Variants in PTPRT observed in about 807,000 individuals in gnomAD.
PTPRT encodes the protein protein tyrosine phosphatase receptor type T.
Under a neutral mutation model 176.8 loss-of-function variants are expected in PTPRT, and 56 were observed. The observed-to-expected ratio is 0.32, with a 90% confidence interval of 0.26 to 0.40. PTPRT has a LOEUF of 0.40. PTPRT is among the 10% of genes least tolerant of loss of function. The probability of loss-of-function intolerance (pLI) is 1.00; values close to 1 mark genes in which losing one functional copy is unlikely to be tolerated. For synonymous variants in PTPRT, 783 were observed against 739.0 expected, an observed-to-expected ratio of 1.06 and a Z score of -0.96; for missense variants, 1,540 against 1,908.2, an observed-to-expected ratio of 0.81 and a Z score of 3.60.
chr20:42,350,591 G>GA, intron 11 of PTPRT, 37 bp downstream of exon 11: 1 of 1,513,594 alleles, frequency 6.6e-7, no homozygotes, highest in Non-Finnish European at 9.2e-7. Context: ...GCACAGAGAA[G>GA]AAAAACTGCA....
chr20:42,371,763 A>C (rs528039209), intron 9 of PTPRT, among the ~76,000 whole-genome samples: 1 of 152,272 alleles, frequency 6.6e-6, no homozygotes, highest in African/African-American at 2.4e-5. Flanking sequence ...AAGAACCTCA[A>C]CTACACTGGC....
chr20:42,449,750 C>T (rs915046630), intron 8 of PTPRT, among the ~76,000 whole-genome samples: 1 of 152,130 alleles, frequency 6.6e-6, no homozygotes. Context: ...CCATATGTTG[C>T]AATCAGTTCC....
At chr20:42,383,843 C>G (rs1163274378) in intron 9 of PTPRT, among the ~76,000 whole-genome samples, 1 of 152,124 alleles carries the variant, frequency 6.6e-6, no homozygotes, top group East Asian at 1.9e-4. Context: ...GTGACGCAGA[C>G]TTTATGCCCC....
chr20:42,511,572 T>C (rs181003844), intron 7 of PTPRT, among the ~76,000 whole-genome samples: 1 of 152,054 alleles, frequency 6.6e-6, no homozygotes, highest in East Asian at 1.9e-4. Context: ...TTTCAGTCAA[T>C]AATTTGAATC....
At chr20:42,838,700 T>G (rs1317155956) in intron 2 of PTPRT, among the ~76,000 whole-genome samples, 1 of 152,232 alleles carries the variant, frequency 6.6e-6, no homozygotes, top group Non-Finnish European at 1.5e-5. Flanking sequence ...AAACCTGATA[T>G]GGGTGCCCAC....
intron 14 of PTPRT, among the ~76,000 whole-genome samples, chr20:42,240,382 G>A (rs147148633): frequency 1.6e-4 from 24 of 152,308 alleles, no homozygotes; most frequent in Non-Finnish European, 1.2e-4. Flanking sequence ...CAAGGATACA[G>A]TGATATTGCA....
chr20:43,146,936 G>A (rs1258365394), intron 1 of PTPRT, among the ~76,000 whole-genome samples: 7 of 152,110 alleles, frequency 4.6e-5, no homozygotes. Context: ...GAGCATCTCT[G>A]GCCAGCAGCC....
intron 17 of PTPRT, among the ~76,000 whole-genome samples, chr20:42,152,247 C>T (rs1203550678): frequency 2.6e-5 from 4 of 152,252 alleles, no homozygotes. Flanking sequence ...AAGCTTTCAA[C>T]AAATTCCATC....
chr20:42,064,587 G>A, the PTPRT span, among the ~76,000 whole-genome samples: 2 of 152,050 alleles, frequency 1.3e-5, no homozygotes, highest in East Asian at 1.9e-4. Flanking sequence ...TATTCTACAA[G>A]TATGAATAGA....
At chr20:42,122,138 C>A (rs1369762347) in intron 19 of PTPRT, among the ~76,000 whole-genome samples, 1 of 152,244 alleles carries the variant, frequency 6.6e-6, no homozygotes, top group South Asian at 2.1e-4. Context: ...CATACAGTAA[C>A]AAAACTGCAC....
At chr20:42,663,219 TAG>T (rs998253935) in intron 7 of PTPRT, among the ~76,000 whole-genome samples, 23 of 152,144 alleles carry the variant, frequency 1.5e-4, no homozygotes, top group African/African-American at 5.1e-4. Context: ...GGCCTGGAAA[TAG>T]AGTCTAGAGA....
intron 8 of PTPRT, 129 bp from the exon 9 acceptor site, chr20:42,448,458 C>A: frequency 1.5e-6 from 1 of 675,886 alleles, no homozygotes; most frequent in Non-Finnish European, 2.7e-6. Flanking sequence ...GTCTGATGGG[C>A]TGTACGTTCT....
chr20:42,217,441 C>G (rs1438446030), intron 15 of PTPRT, among the ~76,000 whole-genome samples: 1 of 150,266 alleles, frequency 6.7e-6, no homozygotes, highest in African/African-American at 2.5e-5. Flanking sequence ...TTACGTCCAT[C>G]CCCCACTCCA....
chr20:42,998,345 T>C (rs1308803594), intron 1 of PTPRT, among the ~76,000 whole-genome samples: 2 of 152,204 alleles, frequency 1.3e-5, no homozygotes, highest in Non-Finnish European at 2.9e-5. Flanking sequence ...CCTTTCTTAA[T>C]ATGATTCTGC....
At chr20:43,174,896 A>G (rs1021189776) in intron 1 of PTPRT, among the ~76,000 whole-genome samples, 2 of 152,236 alleles carry the variant, frequency 1.3e-5, no homozygotes, top group African/African-American at 4.8e-5. Flanking sequence ...AAGATATCCA[A>G]TGATTTGGTT....
intron 13 of PTPRT, among the ~76,000 whole-genome samples, chr20:42,260,297 C>T (rs946397631): frequency 3.3e-5 from 5 of 152,162 alleles, no homozygotes; most frequent in Non-Finnish European, 5.9e-5. Flanking sequence ...CCTGCTGATG[C>T]GGATGAAGAG....
At chr20:42,699,543 A>T (rs1390152775) in intron 6 of PTPRT, among the ~76,000 whole-genome samples, 4 of 152,354 alleles carry the variant, frequency 2.6e-5, no homozygotes, top group Non-Finnish European at 5.9e-5. Context: ...CAAGGAAAGC[A>T]TGTGTCATTT....
At chr20:42,516,823 A>T (rs1265802100) in intron 7 of PTPRT, among the ~76,000 whole-genome samples, 1 of 152,138 alleles carries the variant, frequency 6.6e-6, no homozygotes, top group Non-Finnish European at 1.5e-5. Flanking sequence ...AACATTGGCA[A>T]ATTCTCATAT....
intron 7 of PTPRT, among the ~76,000 whole-genome samples, chr20:42,579,298 C>T (rs2073327890): frequency 6.6e-6 from 1 of 152,016 alleles, no homozygotes; most frequent in African/African-American, 2.4e-5. Context: ...TTTCTTAATC[C>T]AGTCTATCAT....
Sources: allele counts gnomAD v4.1 joint callset (sites outside exome capture counted in the v4.1 genomes callset), GRCh38; gene constraint gnomAD v4.1.1; transcripts MANE v1.5; gene names NCBI Gene and HGNC (gene_info 2026-07-23, HGNC 2026-07-21).